PLPPR1: variants seen among roughly 807,000 people sequenced by gnomAD.
The protein encoded by PLPPR1 is phospholipid phosphatase related 1.
Under a neutral mutation model 33.1 loss-of-function variants are expected in PLPPR1, and 10 were observed. The ratio of observed to expected loss-of-function variants is 0.30; its 90% CI spans 0.19 to 0.51. PLPPR1 has a LOEUF of 0.51. PLPPR1 is among the 20% of genes least tolerant of loss of function. The probability of loss-of-function intolerance (pLI) is 0.97; values close to 1 mark genes in which losing one functional copy is unlikely to be tolerated. For synonymous variants in PLPPR1, 151 were observed against 151.0 expected, an observed-to-expected ratio of 1.00 and a Z score of 0.00; for missense variants, 304 against 408.1, an observed-to-expected ratio of 0.74 and a Z score of 2.20.
intron 2 of PLPPR1, among the ~76,000 whole-genome samples, chr9:101,228,551 A>G (rs1311729016): frequency 6.6e-6 from 1 of 152,184 alleles, no homozygotes; most frequent in Non-Finnish European, 1.5e-5. Flanking sequence ...ACAAGAAGGA[A>G]TTAAGTATAG....
At chr9:101,199,434 G>A (rs1424281402) in intron 2 of PLPPR1, among the ~76,000 whole-genome samples, 2 of 152,190 alleles carry the variant, frequency 1.3e-5, no homozygotes, top group Admixed American at 1.3e-4. Flanking sequence ...CTGTCCTAAT[G>A]TCAACTCTTC....
chr9:101,108,196 T>C (rs578125095), intron 1 of PLPPR1, among the ~76,000 whole-genome samples: 3 of 152,312 alleles, frequency 2.0e-5, no homozygotes, highest in Non-Finnish European at 2.9e-5. Context: ...TTTTATCTTC[T>C]ACTATTGTAA....
At chr9:101,183,003 G>T (rs77135750) in intron 1 of PLPPR1, among the ~76,000 whole-genome samples, 2 of 151,662 alleles carry the variant, frequency 1.3e-5, no homozygotes, top group African/African-American at 4.8e-5. Flanking sequence ...AAATGTCAAT[G>T]ACAGTGTGGA....
At position 101,145,892 on chromosome 9, in the gene PLPPR1, T is replaced by C. The variant is rs1831515841; in HGVS notation, c.-45-39558T>C. On this transcript the variant is annotated intron_variant, in intron 1 of 7. Coordinates refer to ENST00000374874, the MANE Select transcript of PLPPR1 (RefSeq NM_207299.2). Reference sequence around the variant, plus strand: ...ATAGCCAAATATGCTGGCAAGTGCCTGTGGTCCCAGCTGCTCAGGAGGCTG... The same window carrying C: ...ATAGCCAAATATGCTGGCAAGTGCCCGTGGTCCCAGCTGCTCAGGAGGCTG... 2.0e-5 allele frequency among the ~76,000 whole-genome samples: 3 copies of C among 150,328 alleles called. No individual in the cohort carries two copies. In the South Asian group the frequency reaches 6.3e-4, roughly 32 times the overall value.
chr9:101,166,358 A>G (rs1825858477), intron 1 of PLPPR1, among the ~76,000 whole-genome samples: 3 of 152,166 alleles, frequency 2.0e-5, no homozygotes, highest in Admixed American at 2.0e-4. Context: ...CTGGGGAGAC[A>G]TCGTTTTTAT....
intron 1 of PLPPR1, among the ~76,000 whole-genome samples, chr9:101,089,594 T>A (rs1830718644): frequency 6.6e-6 from 1 of 152,194 alleles, no homozygotes; most frequent in African/African-American, 2.4e-5. Context: ...GTATGAACAT[T>A]TGTTCATATC....
intron 2 of PLPPR1, among the ~76,000 whole-genome samples, chr9:101,211,366 T>C (rs886459200): frequency 5.3e-5 from 8 of 152,162 alleles, no homozygotes; most frequent in Non-Finnish European, 1.2e-4. Flanking sequence ...AATTCACATC[T>C]GAAAACAGAG....
chr9:101,185,600 G>A (rs776868648), intron 2 of PLPPR1, 43 bp downstream of exon 2: 1 of 1,276,682 alleles, frequency 7.8e-7, no homozygotes. Flanking sequence ...TGAAATAAAA[G>A]TAACAGTTTT....
At position 101,121,069 on chromosome 9, in the gene PLPPR1, A is replaced by G. The variant is rs561947419; in HGVS notation, c.-45-64381A>G. Among the ~76,000 whole-genome samples the G allele has an allele frequency of 2.6e-5, 4 of 152,336 alleles. No homozygotes were observed. In the South Asian group the frequency reaches 8.3e-4, roughly 32 times the overall value. On this transcript the variant is annotated intron_variant, in intron 1 of 7. Transcript: ENST00000374874. ...TCACCACTGGTTCTCTCTGATGGCC[A>G]GATCAGATTCTTTGTAAAGTCTTCT...
intron 1 of PLPPR1, among the ~76,000 whole-genome samples, chr9:101,092,931 A>G (rs1240905143): frequency 6.6e-6 from 1 of 152,194 alleles, no homozygotes; most frequent in Non-Finnish European, 1.5e-5. Context: ...TTGTGAAGAC[A>G]CAGTGAGAAA....
intron 2 of PLPPR1, among the ~76,000 whole-genome samples, chr9:101,224,295 G>T (rs999669788): frequency 6.6e-5 from 10 of 152,234 alleles, no homozygotes; most frequent in African/African-American, 2.4e-4. Flanking sequence ...TAGGGGGGAT[G>T]CCAGGATCAT....
chr9:101,036,629 T>C (rs1271762631), intron 1 of PLPPR1, among the ~76,000 whole-genome samples: 1 of 150,634 alleles, frequency 6.6e-6, no homozygotes, highest in Non-Finnish European at 1.5e-5. Context: ...CTGGCCTGTT[T>C]TGAAGATTTG....
intron 4 of PLPPR1, among the ~76,000 whole-genome samples, chr9:101,295,606 A>G (rs1828611860): frequency 1.3e-5 from 2 of 149,774 alleles, no homozygotes; most frequent in South Asian, 4.2e-4. Context: ...AAACAGAGAT[A>G]TAGATCAATG....
intron 2 of PLPPR1, among the ~76,000 whole-genome samples, chr9:101,190,159 T>C (rs1357319878): frequency 6.6e-6 from 1 of 152,174 alleles, no homozygotes; most frequent in Non-Finnish European, 1.5e-5. Context: ...AGTCTTCCTA[T>C]ACCAACAGGT....
rs1469606101 is a variant in PLPPR1 at position 101,183,160 on chromosome 9, G to T, written c.-45-2290G>T. On this transcript the variant is annotated intron_variant, in intron 1 of 7. Transcript: ENST00000374874. Reference sequence around the variant, plus strand: ...TAGGTGTCTAATATCCATGAGAAATGAAAATATAAATCCACACAAAGAATT... The same window carrying T: ...TAGGTGTCTAATATCCATGAGAAATTAAAATATAAATCCACACAAAGAATT... 1.3e-5 allele frequency among the ~76,000 whole-genome samples: 2 copies of T among 151,656 alleles called. 1 individual carries two copies. Among genetic ancestry groups the T allele is most frequent in the Admixed American group, 1.3e-4 (2 of 15,186 alleles).
At chr9:101,177,756 A>T (rs1826039537) in intron 1 of PLPPR1, among the ~76,000 whole-genome samples, 1 of 143,638 alleles carries the variant, frequency 7.0e-6, no homozygotes, top group Admixed American at 6.9e-5. Context: ...TAAATTGACT[A>T]TACCCATTTT....
intron 2 of PLPPR1, among the ~76,000 whole-genome samples, chr9:101,247,904 T>C (rs907684082): frequency 6.6e-6 from 1 of 152,072 alleles, no homozygotes; most frequent in African/African-American, 2.4e-5. Flanking sequence ...CTCTTAAGTA[T>C]ATCCAGCTAA....
intron 1 of PLPPR1, among the ~76,000 whole-genome samples, chr9:101,140,797 C>A (rs1831441475): frequency 6.6e-6 from 1 of 152,154 alleles, no homozygotes. Context: ...TGAACTCCCA[C>A]AGTTTGGTGT....
chr9:101,104,481 C>T (rs1830946205), intron 1 of PLPPR1, among the ~76,000 whole-genome samples: 1 of 116,654 alleles, frequency 8.6e-6, no homozygotes, highest in Non-Finnish European at 1.7e-5. Context: ...ACCAGCCTTG[C>T]ATCCCAGGGA....
Sources: allele counts gnomAD v4.1 joint callset (sites outside exome capture counted in the v4.1 genomes callset), GRCh38; gene constraint gnomAD v4.1.1; transcripts MANE v1.5; gene names NCBI Gene and HGNC (gene_info 2026-07-23, HGNC 2026-07-21).